BOC: variants seen among roughly 807,000 people sequenced by gnomAD.
BOC encodes the protein BOC cell adhesion associated, oncogene regulated, also known as brother of CDO.
A neutral mutation model predicts 112.0 loss-of-function variants in BOC; 76 were observed. The ratio of observed to expected loss-of-function variants is 0.68; its 90% CI spans 0.56 to 0.82. The LOEUF (loss-of-function observed/expected upper bound fraction) is 0.82. Among genes scored for constraint, BOC ranks in the 40% least tolerant of loss-of-function variants. BOC has a pLI of 0.00. For missense variants in BOC, 1,309 were observed against 1,511.7 expected, an observed-to-expected ratio of 0.87 and a Z score of 2.22; for synonymous variants, 580 against 599.8, an observed-to-expected ratio of 0.97 and a Z score of 0.48.
At chr3:113,222,828 T>C (rs1027077879) in intron 2 of BOC, among the ~76,000 whole-genome samples, 1 of 152,222 alleles carries the variant, frequency 6.6e-6, no homozygotes, top group Non-Finnish European at 1.5e-5. Flanking sequence ...CCTGAGTTGA[T>C]TGGACTTCCG....
intron 2 of BOC, among the ~76,000 whole-genome samples, chr3:113,235,271 T>C (rs1164467524): frequency 6.6e-6 from 1 of 152,254 alleles, no homozygotes; most frequent in East Asian, 1.9e-4. Context: ...TAGTTCATTT[T>C]ACATGACTTA....
At position 113,274,220 on chromosome 3, in the gene BOC, G is replaced by A. The variant is rs1244905157; in HGVS notation, c.1235-155G>A. ...CAGGGACACCAGCGCTGTCTTCCAC[G>A]GAGCCTGGCTGGGCAGCACAGAGTG... is the stretch of plus-strand genomic sequence containing the variant. On this transcript the variant is annotated intron_variant, in intron 8 of 19. Transcript: ENST00000682979. The surrounding 1 kb of genome is among the most constrained non-coding windows in gnomAD (Gnocchi z 4.8). Among the ~76,000 whole-genome samples the A allele has an allele frequency of 2.0e-5, 3 of 152,340 alleles. No homozygotes were observed. Among genetic ancestry groups the A allele is most frequent in the East Asian group, 3.9e-4 (2 of 5,176 alleles).
rs1352105871 is a variant in BOC at position 113,274,958 on chromosome 3, C to A, written c.1542+276C>A. Among the ~76,000 whole-genome samples, 4 of 152,352 alleles carry A rather than the reference C, an allele frequency of 2.6e-5. No homozygotes were observed. The East Asian group carries it at 7.7e-4, about 29-fold the overall frequency. On this transcript the variant is annotated intron_variant, in intron 9 of 19. Transcript: ENST00000682979. The surrounding 1 kb of genome is among the most constrained non-coding windows in gnomAD (Gnocchi z 4.8). ...TCTATGCACTCAATTCCCAGAAGCT[C>A]ACACTGGCTTCTAGTCCCTGAGGAG...
chr3:113,254,019 C>G (rs772500231), intron 4 of BOC, among the ~76,000 whole-genome samples: 4 of 152,126 alleles, frequency 2.6e-5, no homozygotes, highest in Non-Finnish European at 4.4e-5. Flanking sequence ...TATCTTGGAG[C>G]CTTCCTTCTG....
rs1949153158 is a variant in BOC at position 113,281,078 on chromosome 3, T to C, written c.2359T>C (p.Tyr787His). The change falls in exon 15 of 20, where the codon TAC becomes CAC. Residue 787 changes from tyrosine to histidine, a missense_variant. Tyr to His is a moderately conservative substitution (Grantham distance 83, BLOSUM62 2). Transcript: ENST00000682979. Reference protein sequence around the residue: ...SISHLQPETSYDIKMQCFNEG... With the variant: ...SISHLQPETSHDIKMQCFNEG... ...CAGCCACCTGCAGCCAGAGACCTCC[T>C]ACGACATTAAGATGCAGTGCTTCAA... 1 of 1,614,082 alleles carries C rather than the reference T, an allele frequency of 6.2e-7. No individual in the cohort carries two copies. The highest frequency in any genetic ancestry group is 8.5e-7 in the Non-Finnish European group (1 of 1,179,996).
chr3:113,267,604 C>T (rs189685937), intron 4 of BOC, among the ~76,000 whole-genome samples: 68 of 152,308 alleles, frequency 4.5e-4, no homozygotes, highest in Non-Finnish European at 6.2e-4. Context: ...AAGGATCCTC[C>T]GTGAAGTGGG....
At chr3:113,267,967 C>T (rs1450050678) in intron 4 of BOC, among the ~76,000 whole-genome samples, 2 of 30,358 alleles carry the variant, frequency 6.6e-5, no homozygotes, top group Non-Finnish European at 1.0e-4. Context: ...GTACTTTGAC[C>T]CCCCCCCATT....
intron 2 of BOC, among the ~76,000 whole-genome samples, chr3:113,240,831 CT>C (rs1263048701): frequency 6.6e-6 from 1 of 152,150 alleles, no homozygotes; most frequent in Non-Finnish European, 1.5e-5. Flanking sequence ...GGAAGATGCC[CT>C]TAGACCTCAG....
chr3:113,259,198 G>A (rs1380295658), intron 4 of BOC, among the ~76,000 whole-genome samples: 1 of 152,204 alleles, frequency 6.6e-6, no homozygotes, highest in Non-Finnish European at 1.5e-5. Context: ...ACAGACCTCA[G>A]GTTCATAGTG....
At position 113,283,465 on chromosome 3, in the gene BOC, C is replaced by A. The variant is rs1299900806; in HGVS notation, c.2489C>A (p.Pro830Gln). ...GRLPPPTLAP[P>Q]QPPLPETIER... The stretch of plus-strand genomic sequence containing the variant: ...CTGCCACCCCCAACTCTGGCCCCAC[C>A]ACAGCCGCCCCTTCCTGAAACCATA... Residue 830 changes from proline (P) to glutamine (Q), a missense_variant, in exon 16 of 20, where the codon CCA becomes CAA. Physicochemically the swap from Pro to Gln is moderately conservative, Grantham distance 76. Coordinates refer to ENST00000682979, the MANE Select transcript of BOC (RefSeq NM_001378074.1). 1 of 1,613,584 alleles carries A rather than the reference C, an allele frequency of 6.2e-7. No homozygotes were observed. Among genetic ancestry groups the A allele is most frequent in the East Asian group, 2.2e-5 (1 of 44,864 alleles).
At chr3:113,246,257 A>G (rs1944909700) in intron 2 of BOC, among the ~76,000 whole-genome samples, 1 of 152,124 alleles carries the variant, frequency 6.6e-6, no homozygotes, top group Non-Finnish European at 1.5e-5. Flanking sequence ...GGCCTCAATG[A>G]GGTGTCAAAT....
chr3:113,212,512 T>C (rs936462288), intron 1 of BOC: 3 of 152,212 alleles, frequency 2.0e-5, no homozygotes, highest in Non-Finnish European at 4.4e-5. Context: ...GCACTCGGCC[T>C]CTTTGGAGGG....
Position 113,268,380 on chromosome 3 carries a change from C to T in BOC, c.458C>T (p.Pro153Leu), listed in dbSNP as rs1333599020. 1.9e-6 allele frequency: 3 copies of T among 1,614,042 alleles called. No homozygotes were observed. The highest frequency in any genetic ancestry group is 1.7e-6 in the Non-Finnish European group (2 of 1,180,028). Residue 153 changes from proline (P) to leucine (L), a missense_variant, in exon 5 of 20, where the codon CCT becomes CTT. Pro to Leu is a moderately conservative substitution (Grantham distance 98, BLOSUM62 -3). Coordinates refer to ENST00000682979, the MANE Select transcript of BOC (RefSeq NM_001378074.1). Reference protein sequence around the residue: ...GNTAVIACHLPESHPKAQVRY... With the variant: ...GNTAVIACHLLESHPKAQVRY... ...ACAGCAGTCATTGCCTGCCACCTGC[C>T]TGAGAGCCACCCCAAAGCCCAGGTC... is the stretch of plus-strand genomic sequence containing the variant.
In BOC at chr3:113,264,003, G is replaced by A. The variant is rs575736552; in HGVS notation, c.377-4296G>A. Reference sequence around the variant, plus strand: ...TCCCTGTAGCCTCTGTGTTCAGACAGCCTACAGAAGTGATGTATCAGAGTG... The same window carrying A: ...TCCCTGTAGCCTCTGTGTTCAGACAACCTACAGAAGTGATGTATCAGAGTG... On this transcript the variant is annotated intron_variant, in intron 4 of 19. Coordinates refer to ENST00000682979, the MANE Select transcript of BOC (RefSeq NM_001378074.1). 2.6e-5 allele frequency among the ~76,000 whole-genome samples: 4 copies of A among 152,324 alleles called. No homozygotes were observed. The South Asian group carries it at 8.3e-4, about 32-fold the overall frequency.
chr3:113,231,492 T>A (rs1942609154), intron 2 of BOC, among the ~76,000 whole-genome samples: 1 of 152,174 alleles, frequency 6.6e-6, no homozygotes, highest in Non-Finnish European at 1.5e-5. Flanking sequence ...TTGGTGAAGG[T>A]CTCATCACTA....
chr3:113,283,704 T>C, intron 16 of BOC, 72 bp downstream of exon 16: 2 of 1,415,960 alleles, frequency 1.4e-6, no homozygotes, highest in Non-Finnish European at 2.0e-6. Flanking sequence ...GGCCTCTGCC[T>C]AGGTCTGTGT....
chr3:113,266,621 C>T (rs1293217552), intron 4 of BOC, among the ~76,000 whole-genome samples: 1 of 152,216 alleles, frequency 6.6e-6, no homozygotes, highest in Non-Finnish European at 1.5e-5. Flanking sequence ...TGGGGCTCAG[C>T]TTCCAAGATA....
chr3:113,244,629 T>A (rs932666244), intron 2 of BOC, among the ~76,000 whole-genome samples: 1 of 152,246 alleles, frequency 6.6e-6, no homozygotes, highest in Admixed American at 6.5e-5. Flanking sequence ...TTCATAGCCC[T>A]GAGTGGCTAG....
intron 2 of BOC, among the ~76,000 whole-genome samples, chr3:113,232,589 G>A (rs1942797942): frequency 6.7e-6 from 1 of 148,950 alleles, no homozygotes; most frequent in African/African-American, 2.6e-5. Flanking sequence ...GTGTGTGTGT[G>A]TGCACACGTG....
Sources: gnomAD v4.1 joint callset for allele counts (sites outside exome capture counted in the v4.1 genomes callset) on GRCh38, gnomAD v4.1.1 for gene constraint, Gnocchi (gnomAD v3.1) non-coding constraint, MANE v1.5 for transcripts, NCBI Gene and HGNC (gene_info 2026-07-23, HGNC 2026-07-21) for gene names.